The following EXOC6B variants were observed in gnomAD, a reference collection of about 807,000 sequenced individuals.
The protein encoded by EXOC6B is exocyst complex component 6B.
Under a neutral mutation model 113.5 loss-of-function variants are expected in EXOC6B, and 54 were observed. The ratio of observed to expected loss-of-function variants is 0.48; its 90% CI spans 0.38 to 0.60. The LOEUF is 0.60. Among genes scored for constraint, EXOC6B ranks in the 20% least tolerant of loss-of-function variants. The pLI is 0.00. For missense variants in EXOC6B, 797 were observed against 977.5 expected (o/e 0.82, Z 2.46); for synonymous variants, 357 against 339.0 (o/e 1.05, Z -0.58).
intron 6 of EXOC6B, among the ~76,000 whole-genome samples, chr2:72,646,772 A>G (rs1294066798): frequency 6.6e-6 from 1 of 152,232 alleles, no homozygotes; most frequent in Non-Finnish European, 1.5e-5. Flanking sequence ...AAAAACTCTC[A>G]ATAAACTAGG....
At position 72,215,959 on chromosome 2, in the gene EXOC6B, G is replaced by T. The variant is rs138833460; in HGVS notation, c.2197-31772C>A. Among the ~76,000 whole-genome samples, 304 of 152,234 alleles carry T rather than the reference G, an allele frequency of 2.0e-3. 1 individual carries two copies. Among genetic ancestry groups the T allele is most frequent in the African/African-American group, 6.3e-3 (260 of 41,538 alleles). ...CCTTCAGGGCACAAGGGAAGACCCAGTGCAGCTGTGGTGAATGGAATAAAA... is the reference window on the plus strand; with the variant it reads ...CCTTCAGGGCACAAGGGAAGACCCATTGCAGCTGTGGTGAATGGAATAAAA... On this transcript the variant is annotated intron_variant, in intron 20 of 21. Coordinates refer to ENST00000272427, the MANE Select transcript of EXOC6B (RefSeq NM_015189.3).
chr2:72,520,720 T>A (rs72845185), intron 8 of EXOC6B, among the ~76,000 whole-genome samples: 10,352 of 152,226 alleles, frequency 0.068, 507 homozygotes, highest in Non-Finnish European at 0.11. Context: ...GATTTCAGCA[T>A]CCAGCAAGCA....
At chr2:72,664,133 C>A (rs889738072) in intron 6 of EXOC6B, among the ~76,000 whole-genome samples, 2 of 151,896 alleles carry the variant, frequency 1.3e-5, no homozygotes, top group African/African-American at 2.4e-5. Context: ...CATAGCAAGA[C>A]CCCATATCAA....
chr2:72,520,913 ACCCCAATT>A lies in EXOC6B; in HGVS notation c.916-5795_916-5788del, dbSNP rs146449770. Among the ~76,000 whole-genome samples, 775 of 152,228 alleles carry A rather than the reference ACCCCAATT, an allele frequency of 5.1e-3. 11 individuals carry two copies. Among genetic ancestry groups the A allele is most frequent in the African/African-American group, 0.017 (716 of 41,528 alleles). Reference sequence around the variant, plus strand: ...GATGAACTGTACAGCCACCAGCAGTACCCCAATTCCCCAATTCCCCAATTCCCCTTATC... The same window carrying A: ...GATGAACTGTACAGCCACCAGCAGTACCCCAATTCCCCAATTCCCCTTATC... On this transcript the variant is annotated intron_variant, in intron 8 of 21. Coordinates refer to ENST00000272427, the MANE Select transcript of EXOC6B (RefSeq NM_015189.3).
chr2:72,780,998 T>C (rs962582032), intron 1 of EXOC6B, among the ~76,000 whole-genome samples: 2 of 152,210 alleles, frequency 1.3e-5, no homozygotes, highest in Admixed American at 6.5e-5. Context: ...ATCAAATTCC[T>C]AACTAAATTA....
At chr2:72,771,788 A>G (rs1366798955) in intron 1 of EXOC6B, among the ~76,000 whole-genome samples, 2 of 152,306 alleles carry the variant, frequency 1.3e-5, no homozygotes, top group East Asian at 3.9e-4. Flanking sequence ...CAGCCTGGGC[A>G]ACATGGTGAG....
chr2:72,665,727 T>C lies in EXOC6B; in HGVS notation c.669+52376A>G, dbSNP rs112894029. Among the ~76,000 whole-genome samples, 23 of 152,304 alleles carry C rather than the reference T, an allele frequency of 1.5e-4. 2 individuals are homozygous for C. The highest frequency in any genetic ancestry group is 4.6e-4 in the African/African-American group (19 of 41,570). ...AAATACAGAAATGAAAGAATTATAC[T>C]GACTGCCACAAAAACACACCTAAAT... On this transcript the variant is annotated intron_variant, in intron 6 of 21. Coordinates refer to ENST00000272427, the MANE Select transcript of EXOC6B (RefSeq NM_015189.3).
chr2:72,455,432 G>C (rs546277062), intron 18 of EXOC6B, among the ~76,000 whole-genome samples: 14 of 152,246 alleles, frequency 9.2e-5, no homozygotes, highest in African/African-American at 3.1e-4. Context: ...TAACAAAAAA[G>C]ATTCTGAATA....
chr2:72,743,616 T>G (rs1326072857), intron 1 of EXOC6B, among the ~76,000 whole-genome samples: 10 of 152,124 alleles, frequency 6.6e-5, no homozygotes. Flanking sequence ...AGATTGTAAG[T>G]TCAAGGGCAA....
chr2:72,198,976 C>G (rs1679332496), intron 20 of EXOC6B, among the ~76,000 whole-genome samples: 1 of 152,098 alleles, frequency 6.6e-6, no homozygotes, highest in Non-Finnish European at 1.5e-5. Context: ...AGCCTTTATT[C>G]ATGTTTAAAG....
At chr2:72,410,566 C>T (rs188137439) in intron 18 of EXOC6B, among the ~76,000 whole-genome samples, 1 of 152,248 alleles carries the variant, frequency 6.6e-6, no homozygotes, top group Non-Finnish European at 1.5e-5. Context: ...TGAAAACAGT[C>T]TTACAATGGT....
intron 18 of EXOC6B, among the ~76,000 whole-genome samples, chr2:72,422,773 A>G (rs1467344112): frequency 8.6e-5 from 13 of 151,442 alleles, no homozygotes; most frequent in African/African-American, 2.7e-4. Flanking sequence ...TCTAGCTGCT[A>G]TGGTGGGGCC....
intron 6 of EXOC6B, among the ~76,000 whole-genome samples, chr2:72,595,208 C>T: frequency 6.6e-6 from 1 of 150,874 alleles, no homozygotes; most frequent in East Asian, 1.9e-4. Context: ...TTGCAGTGAG[C>T]CGAGATGGTG....
intron 20 of EXOC6B, among the ~76,000 whole-genome samples, chr2:72,234,898 A>C (rs915401240): frequency 7.9e-5 from 12 of 152,264 alleles, no homozygotes; most frequent in East Asian, 3.9e-4. Flanking sequence ...ACAAAAAAAA[A>C]CAGATGTTGG....
rs767434301 is a variant in EXOC6B at position 72,401,605 on chromosome 2, GTATA to G, written c.1981-21739_1981-21736del. Among the ~76,000 whole-genome samples, 51 of 18,834 alleles carry G rather than the reference GTATA, an allele frequency of 2.7e-3. 3 individuals carry two copies. The highest frequency in any genetic ancestry group is 6.3e-3 in the Admixed American group (8 of 1,270). 12.4% of individuals were successfully genotyped at this position (18,834 alleles called of 152,430 possible). The stretch of plus-strand genomic sequence containing the variant: ...TACATATATATATATATATATATGT[GTATA>G]TATATATATATACATATATATATAT... On this transcript the variant is annotated intron_variant, in intron 18 of 21. Transcript: ENST00000272427.
chr2:72,568,577 T>C (rs1704331100), intron 7 of EXOC6B, among the ~76,000 whole-genome samples: 1 of 151,758 alleles, frequency 6.6e-6, no homozygotes, highest in Admixed American at 6.6e-5. Flanking sequence ...TCTTTCAAAA[T>C]CAAATTTTTC....
chr2:72,635,600 T>C (rs1672760819), intron 6 of EXOC6B, among the ~76,000 whole-genome samples: 1 of 152,214 alleles, frequency 6.6e-6, no homozygotes, highest in Admixed American at 6.5e-5. Context: ...CAGGTGCATA[T>C]GGTTTCAATA....
intron 20 of EXOC6B, among the ~76,000 whole-genome samples, chr2:72,291,482 G>C (rs1256755816): frequency 2.0e-5 from 3 of 152,170 alleles, no homozygotes; most frequent in Non-Finnish European, 2.9e-5. Flanking sequence ...CAATACATCA[G>C]GAATCTCAGC....
At chr2:72,443,253 G>T (rs1696332515) in intron 18 of EXOC6B, among the ~76,000 whole-genome samples, 1 of 150,992 alleles carries the variant, frequency 6.6e-6, no homozygotes, top group Non-Finnish European at 1.5e-5. Context: ...AATCTGGGAG[G>T]CACAGGTTGC....
Sources: gnomAD v4.1 joint callset for allele counts (sites outside exome capture counted in the v4.1 genomes callset) on GRCh38, gnomAD v4.1.1 for gene constraint, MANE v1.5 for transcripts, NCBI Gene and HGNC (gene_info 2026-07-23, HGNC 2026-07-21) for gene names.